The following NAV2 variants were observed in gnomAD, a reference collection of about 807,000 sequenced individuals.
NAV2 encodes helicase, APC down-regulated 1.
NAV2 carries 54 observed loss-of-function variants against 223.2 expected under a neutral mutation model. That is an observed-to-expected ratio of 0.24 (90% confidence interval 0.19 to 0.30). The LOEUF is 0.30. Ranked by LOEUF, NAV2 falls within the 10% of genes least tolerant of loss-of-function variation. NAV2 has a pLI of 1.00. For missense variants in NAV2, 2,806 were observed against 3,147.5 expected (o/e 0.89, Z 2.60); for synonymous variants, 1,279 against 1,239.3 (o/e 1.03, Z -0.67).
At chr11:20,000,047 G>A (rs1042969977) in intron 11 of NAV2, among the ~76,000 whole-genome samples, 17 of 152,162 alleles carry the variant, frequency 1.1e-4, no homozygotes, top group African/African-American at 3.4e-4. Flanking sequence ...GATCTGCTTT[G>A]GGAGGTCTCA....
chr11:19,830,019 A>G (rs748739336), intron 1 of NAV2, among the ~76,000 whole-genome samples: 9 of 152,028 alleles, frequency 5.9e-5, no homozygotes, highest in African/African-American at 2.2e-4. Flanking sequence ...AAGGCCAGGA[A>G]TTAGAGACCA....
At chr11:20,056,266 T>A (rs903248238) in intron 19 of NAV2, among the ~76,000 whole-genome samples, 2 of 152,230 alleles carry the variant, frequency 1.3e-5, no homozygotes, top group African/African-American at 4.8e-5. Context: ...CTTCTTGGCA[T>A]GCGCCTCCAC....
chr11:19,524,629 G>A (rs547853330), intron 1 of NAV2, among the ~76,000 whole-genome samples: 1 of 151,570 alleles, frequency 6.6e-6, no homozygotes, highest in East Asian at 1.9e-4. Context: ...GGCTTTGGTG[G>A]GGGGCTGGGC....
intron 35 of NAV2, among the ~76,000 whole-genome samples, chr11:20,106,186 T>C (rs2062059090): frequency 2.9e-5 from 1 of 34,170 alleles, no homozygotes; most frequent in Non-Finnish European, 4.8e-5. Flanking sequence ...TGTGTGTGTA[T>C]ATATATATAT....
At chr11:20,011,990 A>G (rs1394019574) in intron 11 of NAV2, among the ~76,000 whole-genome samples, 1 of 152,264 alleles carries the variant, frequency 6.6e-6, no homozygotes. Context: ...TTGTGTGTGC[A>G]GATGATGCCC....
chr11:19,931,609 A>AAAAAAAAAAAAAAAAAG lies in NAV2; in HGVS notation c.932-1567_932-1566insAAAAAAAAAAAAAAAAG, dbSNP rs10692495. 1.4e-4 allele frequency among the ~76,000 whole-genome samples: 19 copies of AAAAAAAAAAAAAAAAAG among 137,304 alleles called. 7 individuals are homozygous for AAAAAAAAAAAAAAAAAG. Among genetic ancestry groups the AAAAAAAAAAAAAAAAAG allele is most frequent in the Non-Finnish European group, 7.8e-5 (5 of 64,330 alleles). 90.1% of individuals were successfully genotyped at this position (137,304 alleles called of 152,430 possible). A position where few individuals can be genotyped will look rare whatever the true frequency, so the allele number is the denominator to read the frequency against. The stretch of plus-strand genomic sequence containing the variant: ...ACATAGGTATTTAAAAAAAAAAAAA[A>AAAAAAAAAAAAAAAAAG]GCAGAAGAAGCAGCCGTTAATCCCG... On this transcript the variant is annotated intron_variant, in intron 6 of 37. Coordinates refer to ENST00000349880, the MANE Select transcript of NAV2 (RefSeq NM_145117.5).
At chr11:19,756,109 T>A (rs1258714472) in intron 1 of NAV2, among the ~76,000 whole-genome samples, 1 of 152,176 alleles carries the variant, frequency 6.6e-6, no homozygotes, top group Non-Finnish European at 1.5e-5. Flanking sequence ...TGTACAGCTC[T>A]TGTTCTATGG....
At chr11:19,806,601 C>T (rs2058576568) in intron 1 of NAV2, among the ~76,000 whole-genome samples, 1 of 152,152 alleles carries the variant, frequency 6.6e-6, no homozygotes. Context: ...TAGACCTTGG[C>T]CAGATCGTGT....
At chr11:19,788,279 C>T (rs1003415127) in intron 1 of NAV2, among the ~76,000 whole-genome samples, 6 of 152,108 alleles carry the variant, frequency 3.9e-5, no homozygotes, top group Middle Eastern at 3.2e-3. Context: ...AAAATGTCTC[C>T]GTAAGTTTCC....
At chr11:19,542,927 A>C (rs1324513890) in intron 1 of NAV2, among the ~76,000 whole-genome samples, 1 of 152,204 alleles carries the variant, frequency 6.6e-6, no homozygotes, top group Admixed American at 6.5e-5. Context: ...ACAGAGGAGA[A>C]GGCAGGTTCC....
At chr11:19,357,714 A>C (rs1853700753) in intron 1 of NAV2, among the ~76,000 whole-genome samples, 1 of 152,220 alleles carries the variant, frequency 6.6e-6, no homozygotes. Flanking sequence ...TTTCTAAAAG[A>C]AAGTGTACTT....
intron 25 of NAV2, 22 bp downstream of exon 25, chr11:20,080,231 T>G: frequency 1.2e-6 from 2 of 1,608,538 alleles, no homozygotes; most frequent in Non-Finnish European, 1.7e-6. Flanking sequence ...TCCACTCTCC[T>G]GGGGACTGAC....
At chr11:19,736,087 G>T (rs571920601) in intron 1 of NAV2, among the ~76,000 whole-genome samples, 1 of 152,322 alleles carries the variant, frequency 6.6e-6, no homozygotes, top group East Asian at 1.9e-4. Flanking sequence ...TCCGTGGAGG[G>T]TTGTGACAGT....
chr11:19,606,578 G>A (rs559209753), intron 1 of NAV2, among the ~76,000 whole-genome samples: 2 of 152,190 alleles, frequency 1.3e-5, no homozygotes, highest in African/African-American at 4.8e-5. Flanking sequence ...TCTTGCTGTT[G>A]TTCCAAGCAG....
intron 1 of NAV2, among the ~76,000 whole-genome samples, chr11:19,825,291 CAAAAAAAAAAAA>C (rs58499844): frequency 1.0e-4 from 5 of 48,226 alleles, no homozygotes; most frequent in Admixed American, 8.5e-4. Flanking sequence ...GACTCTGTCT[CAAAAAAAAAAAA>C]AAAAAAAAAA....
intron 11 of NAV2, among the ~76,000 whole-genome samples, chr11:20,018,518 C>T (rs1303812127): frequency 6.6e-6 from 1 of 151,944 alleles, no homozygotes; most frequent in African/African-American, 2.4e-5. Context: ...AGAGACGGGC[C>T]CCTAAGTGGG....
chr11:19,945,247 TTCTG>T (rs1415788147), intron 8 of NAV2, among the ~76,000 whole-genome samples: 7 of 148,828 alleles, frequency 4.7e-5, no homozygotes, highest in Admixed American at 2.0e-4. Flanking sequence ...CTGGCTGGCT[TTCTG>T]TCTGTCTTTT....
rs73422278 is a variant in NAV2 at position 19,603,280 on chromosome 11, T to G, written c.76-229204T>G. Among the ~76,000 whole-genome samples, 1,520 of 152,200 alleles carry G rather than the reference T, an allele frequency of 1.0e-2. 27 individuals are homozygous for G. Among genetic ancestry groups the G allele is most frequent in the African/African-American group, 0.035 (1,455 of 41,510 alleles). Reference sequence around the variant, plus strand: ...GGACAGAAATGGAGGGAGGGAGATATTCACAGTTATAAACACCCACTATGT... The same window carrying G: ...GGACAGAAATGGAGGGAGGGAGATAGTCACAGTTATAAACACCCACTATGT... On this transcript the variant is annotated intron_variant, in intron 1 of 37. Coordinates refer to the NAV2 transcript ENST00000360655.
At chr11:19,487,524 G>A (rs1202849250) in intron 1 of NAV2, among the ~76,000 whole-genome samples, 1 of 152,182 alleles carries the variant, frequency 6.6e-6, no homozygotes, top group African/African-American at 2.4e-5. Flanking sequence ...GGTTTCAAAA[G>A]GCTGTGACTT....
Sources: allele counts gnomAD v4.1 joint callset (sites outside exome capture counted in the v4.1 genomes callset), GRCh38; gene constraint gnomAD v4.1.1; transcripts MANE v1.5; gene names NCBI Gene and HGNC (gene_info 2026-07-23, HGNC 2026-07-21).